Variants in FGFR2 observed in about 807,000 individuals in gnomAD.
The protein encoded by FGFR2 is BEK fibroblast growth factor receptor.
Under a neutral mutation model 95.9 loss-of-function variants are expected in FGFR2, and 19 were observed. That is an observed-to-expected ratio of 0.20 (90% confidence interval 0.14 to 0.29). The LOEUF (loss-of-function observed/expected upper bound fraction) is 0.29. Among genes scored for constraint, FGFR2 ranks in the 10% least tolerant of loss-of-function variants. FGFR2 has a pLI of 1.00. For synonymous variants in FGFR2, 392 were observed against 393.3 expected (o/e 1.00, Z 0.04); for missense variants, 707 against 1,056.9 (o/e 0.67, Z 4.59).
intron 17 of FGFR2, chr10:121,482,239 T>G (rs1392307584): frequency 6.6e-7 from 1 of 1,510,990 alleles, no homozygotes; most frequent in Non-Finnish European, 9.2e-7. Context: ...GAACTTATAC[T>G]AGAAACAACA....
intron 4 of FGFR2, among the ~76,000 whole-genome samples, chr10:121,560,909 G>A (rs1425039162): frequency 6.6e-6 from 1 of 152,160 alleles, no homozygotes; most frequent in Non-Finnish European, 1.5e-5. Context: ...CTGAGAATCT[G>A]CATTTCGAGG....
chr10:121,578,514 C>T (rs187774906), intron 2 of FGFR2, among the ~76,000 whole-genome samples: 42 of 152,360 alleles, frequency 2.8e-4, no homozygotes, highest in African/African-American at 9.1e-4. Flanking sequence ...AAAAGGTGTA[C>T]GGAGAGGGAC....
At chr10:121,534,042 A>AGG (rs1340464840) in intron 6 of FGFR2, among the ~76,000 whole-genome samples, 1 of 151,042 alleles carries the variant, frequency 6.6e-6, no homozygotes, top group Non-Finnish European at 1.5e-5. Flanking sequence ...AAACCTCAGC[A>AGG]GGAAATGTCA....
At chr10:121,556,751 T>C (rs1856219941) in intron 4 of FGFR2, among the ~76,000 whole-genome samples, 1 of 152,172 alleles carries the variant, frequency 6.6e-6, no homozygotes, top group African/African-American at 2.4e-5. Context: ...TGTATTTTTA[T>C]GGATGCAAAA....
chr10:121,571,285 G>A (rs1227065633), intron 2 of FGFR2, among the ~76,000 whole-genome samples: 12 of 133,066 alleles, frequency 9.0e-5, no homozygotes, highest in African/African-American at 2.8e-4. Context: ...GTGAGCCACC[G>A]TGCCTGGCCT....
chr10:121,483,769 G>A lies in FGFR2; in HGVS notation c.2230C>T (p.Pro744Ser), dbSNP rs747941020. The A allele has an allele frequency of 6.2e-6, 10 of 1,613,922 alleles. No homozygotes were observed. The Admixed American group carries it at 1.5e-4, about 24-fold the overall frequency. Residue 744 changes from proline to serine, a missense_variant, in exon 17 of 18, where the codon CCC (proline) becomes TCC (serine). Pro to Ser is a moderately conservative substitution (Grantham distance 74, BLOSUM62 -1). Transcript: ENST00000358487. Reference protein sequence around the residue: ...MMMRDCWHAVPSQRPTFKQLV... With the variant: ...MMMRDCWHAVSSQRPTFKQLV... ...TGCTTGAACGTTGGTCTCTGGGAGG[G>A]CACTGCATGCCAACAGTCCCTCATC...
intron 12 of FGFR2, among the ~76,000 whole-genome samples, chr10:121,497,984 T>C (rs908178546): frequency 3.3e-5 from 5 of 152,214 alleles, no homozygotes; most frequent in Non-Finnish European, 7.3e-5. Flanking sequence ...CCAGTAAACA[T>C]TCAATGGAAG....
At chr10:121,523,566 C>G (rs574820032) in intron 6 of FGFR2, among the ~76,000 whole-genome samples, 1 of 152,294 alleles carries the variant, frequency 6.6e-6, no homozygotes, top group African/African-American at 2.4e-5. Flanking sequence ...GTCCTCTGGG[C>G]TAGATCCTGC....
chr10:121,569,780 C>G (rs1858303983), intron 2 of FGFR2, among the ~76,000 whole-genome samples: 2 of 152,188 alleles, frequency 1.3e-5, no homozygotes, highest in Non-Finnish European at 2.9e-5. Flanking sequence ...TCTTGGTAAA[C>G]TGAGAAAGCA....
At chr10:121,594,485 T>C (rs1243398497) in intron 1 of FGFR2, among the ~76,000 whole-genome samples, 3 of 152,238 alleles carry the variant, frequency 2.0e-5, no homozygotes, top group East Asian at 1.9e-4. Context: ...CCACCCTCAC[T>C]GTCGCTCTTG....
intron 16 of FGFR2, 149 bp from the exon 17 acceptor site, chr10:121,483,952 T>C (rs994170560): frequency 4.5e-6 from 3 of 669,052 alleles, no homozygotes; most frequent in Non-Finnish European, 8.0e-6. Flanking sequence ...CATGAATCAC[T>C]TTCCCAAAAG....
chr10:121,578,804 G>A (rs1019783650), intron 2 of FGFR2, among the ~76,000 whole-genome samples: 1 of 152,354 alleles, frequency 6.6e-6, no homozygotes, highest in South Asian at 2.1e-4. Context: ...CAGCTACTCG[G>A]GAGGCTGAGG....
chr10:121,501,193 G>A (rs1443909833), intron 10 of FGFR2, among the ~76,000 whole-genome samples: 2 of 152,152 alleles, frequency 1.3e-5, no homozygotes, highest in Non-Finnish European at 2.9e-5. Context: ...ATTTTCTTTA[G>A]GGAAGGTATC....
chr10:121,516,776 G>A (rs2912762), intron 8 of FGFR2, among the ~76,000 whole-genome samples: 43,247 of 152,136 alleles, frequency 0.28, 6,587 homozygotes, highest in Non-Finnish European at 0.33. Context: ...AAAGCAAACC[G>A]AAAGTCCATC....
rs1024185135 is a variant in FGFR2, at chr10:121,589,692, G to A, written c.109+4017C>T. On this transcript the variant is annotated intron_variant, in intron 2 of 17. Transcript: ENST00000358487. ...TAAGTAATATTAAACATGGCTCTTG[G>A]TCTATGAATTGTGAAACACTTTATA... 1.6e-4 allele frequency among the ~76,000 whole-genome samples: 24 copies of A among 152,298 alleles called. 1 individual carries two copies. The highest frequency in any genetic ancestry group is 1.2e-3 in the Admixed American group (19 of 15,298).
Position 121,478,455 on chromosome 10 carries a change from A to AT in FGFR2, c.*1401dup. 1 of 233,654 alleles carries AT rather than the reference A, an allele frequency of 4.3e-6. No homozygotes were observed. Among genetic ancestry groups the AT allele is most frequent in the Non-Finnish European group, 8.5e-6 (1 of 118,002 alleles). 14.5% of individuals were successfully genotyped at this position (233,654 alleles called of 1,614,324 possible). A position where few individuals can be genotyped will look rare whatever the true frequency, so the allele number is the denominator to read the frequency against. On this transcript the variant is annotated 3_prime_UTR_variant, in exon 18 of 18. Transcript: ENST00000358487. ...AATACTTTCTCCAATTTTGTAACAC[A>AT]TAAGATCAGTGTAATCTGCATTCAT...
chr10:121,525,293 C>T (rs991428564), intron 6 of FGFR2, among the ~76,000 whole-genome samples: 6 of 152,174 alleles, frequency 3.9e-5, no homozygotes, highest in Non-Finnish European at 7.3e-5. Context: ...CAAATTAAGA[C>T]GGAATGGAAA....
Position 121,479,891 on chromosome 10 carries a change from T to C in FGFR2, c.2432A>G (p.Gln811Arg). The C allele has an allele frequency of 6.2e-7, 1 of 1,614,176 alleles. No homozygotes were observed. Among genetic ancestry groups the C allele is most frequent in the Non-Finnish European group, 8.5e-7 (1 of 1,180,032 alleles). ...DPMPYEPCLP[Q>R]YPHINGSVKT ...AACACTGCCGTTTATGTGTGGATAC[T>C]GAGGAAGGCATGGTTCGTAAGGCAT... is the stretch of plus-strand genomic sequence containing the variant. The change falls in exon 18 of 18, where the codon CAG becomes CGG. Residue 811 changes from glutamine to arginine, a missense_variant. By Grantham distance (43) the Gln-to-Arg change is conservative. Coordinates refer to ENST00000358487, the MANE Select transcript of FGFR2 (RefSeq NM_000141.5).
At chr10:121,571,101 G>T (rs577405984) in intron 2 of FGFR2, among the ~76,000 whole-genome samples, 1 of 150,796 alleles carries the variant, frequency 6.6e-6, no homozygotes, top group African/African-American at 2.4e-5. Flanking sequence ...CTATTCACCT[G>T]CCTCAGCCTC....
Sources: gnomAD v4.1 joint callset for allele counts (sites outside exome capture counted in the v4.1 genomes callset) on GRCh38, gnomAD v4.1.1 for gene constraint, MANE v1.5 for transcripts, NCBI Gene and HGNC (gene_info 2026-07-23, HGNC 2026-07-21) for gene names.